Variants in DENND5B observed in about 807,000 individuals in gnomAD.
DENND5B encodes DENN domain-containing protein 5B.
Under a neutral mutation model 140.6 loss-of-function variants are expected in DENND5B, and 34 were observed. That is an observed-to-expected ratio of 0.24 (90% CI 0.18 to 0.32). DENND5B has a LOEUF of 0.32. Ranked by LOEUF, DENND5B falls within the 10% of genes least tolerant of loss-of-function variation. The pLI is 1.00. For missense variants in DENND5B, 1,142 were observed against 1,560.2 expected, an observed-to-expected ratio of 0.73 and a Z score of 4.52; for synonymous variants, 551 against 562.1, an observed-to-expected ratio of 0.98 and a Z score of 0.28.
intron 1 of DENND5B, among the ~76,000 whole-genome samples, chr12:31,549,532 T>C (rs1484286958): frequency 6.6e-6 from 1 of 152,148 alleles, no homozygotes; most frequent in African/African-American, 2.4e-5. Context: ...TGTGACTATT[T>C]TTTTTAATTT....
At chr12:31,470,002 G>A in intron 3 of DENND5B, among the ~76,000 whole-genome samples, 1 of 151,920 alleles carries the variant, frequency 6.6e-6, no homozygotes, top group East Asian at 1.9e-4. Context: ...AGGCTGTAGT[G>A]CAGTGACATA....
At chr12:31,405,938 C>T (rs1166981616) in intron 14 of DENND5B, among the ~76,000 whole-genome samples, 3 of 152,022 alleles carry the variant, frequency 2.0e-5, no homozygotes, top group Admixed American at 6.6e-5. Context: ...CTCCGCCTCC[C>T]GGGTTCAAGC....
intron 14 of DENND5B, among the ~76,000 whole-genome samples, 187 bp from the exon 15 acceptor site, chr12:31,402,830 C>T (rs1941878819): frequency 6.6e-6 from 1 of 151,918 alleles, no homozygotes; most frequent in South Asian, 2.1e-4. Flanking sequence ...GTTTGCAAAC[C>T]AGAAGTCTCA....
chr12:31,553,620 T>C (rs546599918), intron 1 of DENND5B, among the ~76,000 whole-genome samples: 40 of 152,032 alleles, frequency 2.6e-4, no homozygotes, highest in African/African-American at 9.2e-4. Context: ...GGTATCCTTG[T>C]TAACTTTCTG....
At chr12:31,583,036 G>A (rs1367847971) in intron 1 of DENND5B, among the ~76,000 whole-genome samples, 2 of 152,216 alleles carry the variant, frequency 1.3e-5, no homozygotes, top group Non-Finnish European at 2.9e-5. Flanking sequence ...GCTCACGCCT[G>A]TAATCCCAGC....
intron 6 of DENND5B, among the ~76,000 whole-genome samples, chr12:31,443,631 G>A (rs1944145154): frequency 6.6e-6 from 1 of 152,120 alleles, no homozygotes; most frequent in Non-Finnish European, 1.5e-5. Flanking sequence ...TTTTTCTTGA[G>A]CTGAAATACA....
At chr12:31,389,025 C>A (rs992655535) in intron 20 of DENND5B, among the ~76,000 whole-genome samples, 1 of 152,120 alleles carries the variant, frequency 6.6e-6, no homozygotes, top group Admixed American at 6.5e-5. Context: ...TGCTAACTTA[C>A]GTGTGCCTCA....
rs1940846834 is a variant in DENND5B, at chr12:31,386,279, A to G, written c.*1324T>C. 1 of 154,824 alleles carries G rather than the reference A, an allele frequency of 6.5e-6. No homozygotes were observed. The highest frequency in any genetic ancestry group is 1.5e-5 in the Non-Finnish European group (1 of 68,210). The allele number at this position is 154,824 out of a possible 1,614,324, so 9.6% of individuals were successfully genotyped here. ...CCTAATTAGAGTTACAGGACCTACC[A>G]GAAGATGAGGACTTACAGTAACTAG... On this transcript the variant is annotated 3_prime_UTR_variant, in exon 21 of 21. Coordinates refer to ENST00000389082, the MANE Select transcript of DENND5B (RefSeq NM_144973.4).
intron 6 of DENND5B, among the ~76,000 whole-genome samples, chr12:31,444,954 T>C (rs181641838): frequency 3.0e-4 from 46 of 152,324 alleles, no homozygotes; most frequent in Non-Finnish European, 2.5e-4. Context: ...CTCCCTTACA[T>C]ACGCTAAAGC....
chr12:31,583,174 C>A (rs1052039135), intron 1 of DENND5B, among the ~76,000 whole-genome samples: 8 of 152,006 alleles, frequency 5.3e-5, no homozygotes, highest in Non-Finnish European at 8.8e-5. Flanking sequence ...TGCCTGTAAT[C>A]CCAGCTACTC....
Position 31,387,577 on chromosome 12 carries a change from G to C in DENND5B, c.*26C>G, listed in dbSNP as rs774003293. ...CCTAGTTGGGGAAGGAGCAAGGTTT[G>C]GACTGAGAGTTTCTAGCCAGTTGGG... On this transcript the variant is annotated 3_prime_UTR_variant, in exon 21 of 21. Coordinates refer to ENST00000389082, the MANE Select transcript of DENND5B (RefSeq NM_144973.4). The C allele has an allele frequency of 6.2e-7, 1 of 1,605,896 alleles. No homozygotes were observed. Among genetic ancestry groups the C allele is most frequent in the Admixed American group, 1.7e-5 (1 of 59,742 alleles).
At chr12:31,533,746 T>A (rs1369546488) in intron 1 of DENND5B, among the ~76,000 whole-genome samples, 1 of 152,170 alleles carries the variant, frequency 6.6e-6, no homozygotes, top group Admixed American at 6.5e-5. Flanking sequence ...CACATGTAGG[T>A]TGACCAGGGA....
At chr12:31,573,471 C>A (rs1949893316) in intron 1 of DENND5B, among the ~76,000 whole-genome samples, 2 of 152,250 alleles carry the variant, frequency 1.3e-5, no homozygotes. Context: ...CATTTCATAT[C>A]TGGGCCTCTG....
At chr12:31,572,161 T>C (rs1003198421) in intron 1 of DENND5B, among the ~76,000 whole-genome samples, 1 of 151,448 alleles carries the variant, frequency 6.6e-6, no homozygotes, top group Admixed American at 6.6e-5. Flanking sequence ...GAGGTGGAGG[T>C]TGTGGTGAGC....
intron 5 of DENND5B, 58 bp from the exon 6 acceptor site, chr12:31,447,827 A>G (rs75700829): frequency 1.7e-6 from 2 of 1,180,204 alleles, no homozygotes; most frequent in East Asian, 5.1e-5. Context: ...ACACTACATG[A>G]TAAGCCTGAA....
chr12:31,547,731 G>A (rs763423311), intron 1 of DENND5B, among the ~76,000 whole-genome samples: 2 of 151,178 alleles, frequency 1.3e-5, no homozygotes, highest in Non-Finnish European at 2.9e-5. Context: ...TTGAGACGGA[G>A]TTTTGCTCTG....
At chr12:31,505,483 C>T (rs1030205026) in intron 1 of DENND5B, among the ~76,000 whole-genome samples, 8 of 152,132 alleles carry the variant, frequency 5.3e-5, no homozygotes, top group Admixed American at 2.0e-4. Flanking sequence ...ATGATCTGCC[C>T]GCTTCAGCCT....
At chr12:31,489,520 T>C (rs1275304475) in intron 2 of DENND5B, among the ~76,000 whole-genome samples, 1 of 152,182 alleles carries the variant, frequency 6.6e-6, no homozygotes, top group Non-Finnish European at 1.5e-5. Context: ...GCTTAAGAGA[T>C]GGTTTTGCAG....
rs1445130722 is a variant in DENND5B, at chr12:31,423,043, C to A, written c.2470+554G>T. Among the ~76,000 whole-genome samples the A allele has an allele frequency of 2.6e-5, 4 of 151,304 alleles. No homozygotes were observed. The South Asian group carries it at 8.4e-4, about 32-fold the overall frequency. ...GCAACCTTTGCCTCCCGGGTTCAAG[C>A]GATTCTCCTGCCTCAGCCTCCCCAG... On this transcript the variant is annotated intron_variant, in intron 11 of 20. Coordinates refer to ENST00000389082, the MANE Select transcript of DENND5B (RefSeq NM_144973.4).
Sources: gnomAD v4.1 joint callset for allele counts (sites outside exome capture counted in the v4.1 genomes callset) on GRCh38, gnomAD v4.1.1 for gene constraint, MANE v1.5 for transcripts, NCBI Gene and HGNC (gene_info 2026-07-23, HGNC 2026-07-21) for gene names.